STK32B: variants seen among roughly 807,000 people sequenced by gnomAD.
STK32B encodes the protein serine/threonine kinase 32B.
In STK32B, 43 loss-of-function variants were observed where a neutral mutation model predicts 52.6. The observed-to-expected ratio is 0.82, with a 90% CI of 0.64 to 1.05. The LOEUF is 1.05. Among genes scored for constraint, STK32B ranks in the 50% least tolerant of loss-of-function variants. STK32B has a pLI of 0.00. For missense variants in STK32B, 621 were observed against 534.6 expected (o/e 1.16, Z -1.59); for synonymous variants, 238 against 204.3 (o/e 1.17, Z -1.41).
chr4:5,240,296 T>C (rs138687309), intron 3 of STK32B, among the ~76,000 whole-genome samples: 3 of 152,330 alleles, frequency 2.0e-5, no homozygotes, highest in South Asian at 2.1e-4. Flanking sequence ...TCTTTTTTTT[T>C]CTGCTTTTTT....
intron 3 of STK32B, among the ~76,000 whole-genome samples, chr4:5,259,402 G>A (rs1225392591): frequency 6.6e-6 from 1 of 152,184 alleles, no homozygotes; most frequent in South Asian, 2.1e-4. Flanking sequence ...GTAGCTTTGT[G>A]ATTTAGAGCC....
intron 11 of STK32B, among the ~76,000 whole-genome samples, chr4:5,491,804 C>G (rs1434727190): frequency 6.6e-6 from 1 of 151,614 alleles, no homozygotes; most frequent in Non-Finnish European, 1.5e-5. Flanking sequence ...TATGGCTAGC[C>G]AGTTTTCCCA....
chr4:5,483,995 GCTTTA>G (rs1718938788), intron 11 of STK32B, among the ~76,000 whole-genome samples: 2 of 152,142 alleles, frequency 1.3e-5, no homozygotes, highest in Admixed American at 1.3e-4. Context: ...GCTGAGGAGT[GCTTTA>G]CTTCCAACTA....
At chr4:5,419,457 C>T (rs1712444509) in intron 6 of STK32B, among the ~76,000 whole-genome samples, 2 of 152,210 alleles carry the variant, frequency 1.3e-5, no homozygotes, top group South Asian at 4.1e-4. Context: ...ACTCTTCAGT[C>T]TCCTTCAGAA....
intron 11 of STK32B, among the ~76,000 whole-genome samples, chr4:5,494,876 TTTTC>T (rs1385721578): frequency 1.3e-5 from 2 of 152,202 alleles, no homozygotes; most frequent in Non-Finnish European, 2.9e-5. Context: ...TTGAAAATTC[TTTTC>T]TTTAAGAATG....
chr4:5,324,905 C>T (rs1731771947), intron 3 of STK32B, among the ~76,000 whole-genome samples: 3 of 152,154 alleles, frequency 2.0e-5, no homozygotes, highest in South Asian at 4.1e-4. Flanking sequence ...ACTCATGTGC[C>T]GACTTCTCCC....
chr4:5,486,405 C>G (rs1719208535), intron 11 of STK32B, among the ~76,000 whole-genome samples: 1 of 152,222 alleles, frequency 6.6e-6, no homozygotes, highest in South Asian at 2.1e-4. Context: ...GATGTAATTG[C>G]TGGTGTGCCG....
chr4:5,347,700 G>A (rs1195428652), intron 4 of STK32B, among the ~76,000 whole-genome samples: 1 of 152,106 alleles, frequency 6.6e-6, no homozygotes, highest in Admixed American at 6.5e-5. Context: ...CTGGATCATG[G>A]GGGTGGATTT....
intron 2 of STK32B, among the ~76,000 whole-genome samples, chr4:5,146,891 G>C (rs997010456): frequency 5.9e-5 from 9 of 151,894 alleles, no homozygotes; most frequent in Non-Finnish European, 1.2e-4. Flanking sequence ...AGATTGTTTT[G>C]GATATTCTAG....
intron 3 of STK32B, among the ~76,000 whole-genome samples, chr4:5,244,942 C>T (rs950851313): frequency 6.6e-6 from 1 of 152,162 alleles, no homozygotes; most frequent in Non-Finnish European, 1.5e-5. Flanking sequence ...GTCTGAGACA[C>T]AGTTTGTTAT....
At chr4:5,403,980 G>C (rs28603003) in intron 5 of STK32B, among the ~76,000 whole-genome samples, 1 of 151,586 alleles carries the variant, frequency 6.6e-6, no homozygotes, top group Admixed American at 6.6e-5. Flanking sequence ...GCTGTTCTAC[G>C]TGTCCTGGGG....
At chr4:5,215,211 A>C (rs1220343503) in intron 3 of STK32B, among the ~76,000 whole-genome samples, 1 of 152,180 alleles carries the variant, frequency 6.6e-6, no homozygotes, top group East Asian at 1.9e-4. Context: ...TAGTGTTTTA[A>C]CTGGGTTCTA....
At chr4:5,065,627 A>G (rs1024377385) in intron 1 of STK32B, among the ~76,000 whole-genome samples, 9 of 152,228 alleles carry the variant, frequency 5.9e-5, no homozygotes, top group African/African-American at 1.9e-4. Context: ...GAAAAGGAGA[A>G]ATGTCTACAG....
chr4:5,407,015 T>C (rs1373691450), intron 5 of STK32B, among the ~76,000 whole-genome samples: 1 of 152,166 alleles, frequency 6.6e-6, no homozygotes, highest in African/African-American at 2.4e-5. Flanking sequence ...CATTTACATA[T>C]AAGTTCCATT....
intron 4 of STK32B, among the ~76,000 whole-genome samples, chr4:5,337,489 C>T (rs1027634189): frequency 2.8e-4 from 42 of 152,122 alleles, no homozygotes; most frequent in African/African-American, 9.9e-4. Flanking sequence ...AAAGCTGGAA[C>T]TCCAGCAAAG....
chr4:5,376,426 C>T (rs1393184351), intron 4 of STK32B, among the ~76,000 whole-genome samples: 2 of 152,016 alleles, frequency 1.3e-5, no homozygotes, highest in Admixed American at 1.3e-4. Flanking sequence ...TCCCCTGCCC[C>T]CCTCTCTCCC....
intron 3 of STK32B, among the ~76,000 whole-genome samples, chr4:5,175,820 G>C (rs759435730): frequency 4.3e-4 from 66 of 152,226 alleles, no homozygotes; most frequent in Non-Finnish European, 7.3e-4. Flanking sequence ...CCACTACTCT[G>C]TTCAAAGCTG....
intron 2 of STK32B, among the ~76,000 whole-genome samples, chr4:5,156,430 C>G (rs182103358): frequency 6.6e-6 from 1 of 152,168 alleles, no homozygotes; most frequent in South Asian, 2.1e-4. Flanking sequence ...AAATTTACTT[C>G]GCACAGACAC....
chr4:5,410,832 G>T (rs1012466744), intron 5 of STK32B, among the ~76,000 whole-genome samples: 1 of 152,190 alleles, frequency 6.6e-6, no homozygotes, highest in African/African-American at 2.4e-5. Context: ...ATAAATAATA[G>T]AAGTTTATTT....
Sources: gnomAD v4.1 joint callset for allele counts (sites outside exome capture counted in the v4.1 genomes callset) on GRCh38, gnomAD v4.1.1 for gene constraint, MANE v1.5 for transcripts, NCBI Gene and HGNC (gene_info 2026-07-23, HGNC 2026-07-21) for gene names.